Variants in CRYM observed in about 807,000 individuals in gnomAD.
The protein encoded by CRYM is crystallin mu.
A neutral mutation model predicts 32.9 loss-of-function variants in CRYM; 18 were observed. That is an observed-to-expected ratio of 0.55 (90% CI 0.38 to 0.81). The LOEUF (loss-of-function observed/expected upper bound fraction) is 0.81, where lower values mean the gene tolerates loss of function less well. Among genes scored for constraint, CRYM ranks in the 30% least tolerant of loss-of-function variants. CRYM has a pLI of 0.00. For synonymous variants in CRYM, 153 were observed against 152.4 expected (o/e 1.00, Z -0.03); for missense variants, 337 against 393.5 (o/e 0.86, Z 1.21).
intron 1 of CRYM, among the ~76,000 whole-genome samples, chr16:21,301,620 T>C (rs952611230): frequency 7.9e-5 from 12 of 152,170 alleles, no homozygotes; most frequent in Non-Finnish European, 8.8e-5. Context: ...GAAGAGGGAC[T>C]GAGGAGGTTC....
At chr16:21,292,138 C>T (rs370549937) in intron 1 of CRYM, among the ~76,000 whole-genome samples, 11 of 152,196 alleles carry the variant, frequency 7.2e-5, no homozygotes, top group African/African-American at 2.6e-4. Context: ...TGTCCATCAA[C>T]ATGTGAATGG....
At chr16:21,296,999 C>T (rs1412779588) in intron 1 of CRYM, among the ~76,000 whole-genome samples, 2 of 151,518 alleles carry the variant, frequency 1.3e-5, no homozygotes, top group Admixed American at 1.3e-4. Context: ...CAGAGCAAGA[C>T]TCCGTCTCTA....
intron 1 of CRYM, among the ~76,000 whole-genome samples, chr16:21,294,286 G>A (rs572730717): frequency 5.5e-4 from 84 of 152,280 alleles, no homozygotes; most frequent in African/African-American, 1.9e-3. Flanking sequence ...GTTTTGGACC[G>A]TTTTCCCTGG....
At chr16:21,293,724 A>G (rs1054140569) in intron 1 of CRYM, among the ~76,000 whole-genome samples, 4 of 152,228 alleles carry the variant, frequency 2.6e-5, no homozygotes, top group Non-Finnish European at 1.5e-5. Context: ...TCATTCCCTT[A>G]GAAAAAGTTC....
At chr16:21,278,753 C>G (rs1028528882), upstream of CRYM, 3 of 171,028 alleles carry the variant, frequency 1.8e-5, no homozygotes, top group African/African-American at 7.2e-5. Flanking sequence ...TAATTCTGTC[C>G]CCGTCTAGAG....
intron 7 of CRYM, chr16:21,260,936 C>T (rs1373481695): frequency 3.0e-5 from 13 of 426,760 alleles, no homozygotes; most frequent in African/African-American, 4.1e-5. Flanking sequence ...AGATCTGCAC[C>T]GAACTGATTC....
chr16:21,270,618 C>G (rs1186142979), intron 3 of CRYM, among the ~76,000 whole-genome samples: 2 of 152,108 alleles, frequency 1.3e-5, no homozygotes, highest in Admixed American at 1.3e-4. Flanking sequence ...CAGTGTGGCT[C>G]TAAAGTCACG....
At chr16:21,297,801 G>A (rs1409546621) in intron 1 of CRYM, among the ~76,000 whole-genome samples, 1 of 152,118 alleles carries the variant, frequency 6.6e-6, no homozygotes, top group African/African-American at 2.4e-5. Flanking sequence ...AGTAAACATA[G>A]AAAGGCTTAA....
intron 7 of CRYM, among the ~76,000 whole-genome samples, chr16:21,260,677 G>T (rs2093352800): frequency 6.6e-6 from 1 of 152,184 alleles, no homozygotes; most frequent in East Asian, 1.9e-4. Flanking sequence ...TGGCCACTGG[G>T]AGCCCACCCT....
At chr16:21,289,131 CTTA>C (rs1232899178) in intron 1 of CRYM, among the ~76,000 whole-genome samples, 1 of 152,008 alleles carries the variant, frequency 6.6e-6, no homozygotes, top group Non-Finnish European at 1.5e-5. Context: ...TTGTTCATAT[CTTA>C]TATTTGTTTG....
At chr16:21,266,022 G>A (rs1372587158) in intron 5 of CRYM, among the ~76,000 whole-genome samples, 2 of 152,108 alleles carry the variant, frequency 1.3e-5, no homozygotes, top group African/African-American at 2.4e-5. Flanking sequence ...TCAGGAGTTC[G>A]AGACCAGCCT....
chr16:21,272,251 C>G (rs754784360), intron 3 of CRYM, among the ~76,000 whole-genome samples: 1 of 152,142 alleles, frequency 6.6e-6, no homozygotes, highest in Non-Finnish European at 1.5e-5. Context: ...ATTAAGTACA[C>G]GTATATGAAT....
Position 21,277,618 on chromosome 16 carries a change from C to T in CRYM, c.171-34G>A, listed in dbSNP as rs1369694901. Reference sequence around the variant, plus strand: ...AGAGAGGGAGCAGCTTCAGCCCCTTCCCATCAATGCTGGGGTCTCTTAGAA... The same window carrying T: ...AGAGAGGGAGCAGCTTCAGCCCCTTTCCATCAATGCTGGGGTCTCTTAGAA... On this transcript the variant is annotated intron_variant, in intron 1 of 7. Transcript: ENST00000572914. The surrounding 1 kb of genome is among the most constrained non-coding windows in gnomAD (Gnocchi z 4.2). 2 of 1,611,604 alleles carry T rather than the reference C, an allele frequency of 1.2e-6. No homozygotes were observed. The highest frequency in any genetic ancestry group is 2.2e-5 in the South Asian group (2 of 91,020).
upstream of CRYM, among the ~76,000 whole-genome samples, chr16:21,282,388 C>A (rs1038817137): frequency 6.6e-6 from 1 of 151,820 alleles, no homozygotes; most frequent in Non-Finnish European, 1.5e-5. Flanking sequence ...GCTGTAACCT[C>A]GTATAAGAAA....
At chr16:21,299,237 G>A (rs1221688497) in intron 1 of CRYM, among the ~76,000 whole-genome samples, 2 of 151,982 alleles carry the variant, frequency 1.3e-5, no homozygotes, top group African/African-American at 4.8e-5. Context: ...AAAACATCCT[G>A]GTTCAGATTC....
intron 1 of CRYM, among the ~76,000 whole-genome samples, chr16:21,291,345 A>C (rs1290933733): frequency 6.6e-6 from 1 of 152,204 alleles, no homozygotes; most frequent in Non-Finnish European, 1.5e-5. Context: ...GAAAGTGAGT[A>C]TCTGAGGCTC....
chr16:21,262,803 C>G (rs1037934126), intron 5 of CRYM, among the ~76,000 whole-genome samples: 1 of 152,166 alleles, frequency 6.6e-6, no homozygotes, highest in African/African-American at 2.4e-5. Context: ...CTGGTTCTCA[C>G]TTAACAGATG....
chr16:21,285,062 CGTATGTCTTCTTTTGA>C (rs1294613331), intron 1 of CRYM, among the ~76,000 whole-genome samples: 1 of 152,044 alleles, frequency 6.6e-6, no homozygotes, highest in Non-Finnish European at 1.5e-5. Flanking sequence ...TTTGGTTACT[CGTATGTCTTCTTTTGA>C]GAAATGTTTG....
chr16:21,281,575 G>C (rs2093398255), upstream of CRYM, among the ~76,000 whole-genome samples: 1 of 152,082 alleles, frequency 6.6e-6, no homozygotes, highest in Non-Finnish European at 1.5e-5. Flanking sequence ...CCAAATCACA[G>C]ATATTGACTA....
Sources: allele counts gnomAD v4.1 joint callset (sites outside exome capture counted in the v4.1 genomes callset), GRCh38; gene constraint gnomAD v4.1.1; non-coding constraint Gnocchi (gnomAD v3.1); transcripts MANE v1.5; gene names NCBI Gene and HGNC (gene_info 2026-07-23, HGNC 2026-07-21).